PTPN11: variants seen among roughly 807,000 people sequenced by gnomAD.
The protein encoded by PTPN11 is tyrosine-protein phosphatase non-receptor type 11.
A neutral mutation model predicts 78.8 loss-of-function variants in PTPN11; 6 were observed. The observed-to-expected ratio is 0.08, with a 90% CI of 0.04 to 0.15. PTPN11 has a LOEUF of 0.15. PTPN11 is among the 10% of genes least tolerant of loss of function. The pLI, the probability that PTPN11 is intolerant of heterozygous loss-of-function variation, is 1.00. For synonymous variants in PTPN11, 221 were observed against 263.5 expected, an observed-to-expected ratio of 0.84 and a Z score of 1.56; for missense variants, 386 against 744.8, an observed-to-expected ratio of 0.52 and a Z score of 5.61.
chr12:112,503,198 G>C (rs1002632605), intron 14 of PTPN11, among the ~76,000 whole-genome samples: 2 of 152,200 alleles, frequency 1.3e-5, no homozygotes, highest in Non-Finnish European at 2.9e-5. Context: ...ATGGCATATA[G>C]AGCCTAAAAT....
chr12:112,458,662 A>G (rs1483993787), intron 6 of PTPN11, among the ~76,000 whole-genome samples: 1 of 152,212 alleles, frequency 6.6e-6, no homozygotes, highest in Admixed American at 6.5e-5. Context: ...ACTAGTGAAC[A>G]AGACAGACAG....
At chr12:112,423,350 A>G (rs1033039260) in intron 1 of PTPN11, among the ~76,000 whole-genome samples, 3 of 151,992 alleles carry the variant, frequency 2.0e-5, no homozygotes, top group Non-Finnish European at 4.4e-5. Flanking sequence ...CAGTGATACA[A>G]TATTGGCTCA....
intron 6 of PTPN11, among the ~76,000 whole-genome samples, chr12:112,457,884 C>T (rs962165839): frequency 6.6e-6 from 1 of 152,168 alleles, no homozygotes; most frequent in African/African-American, 2.4e-5. Flanking sequence ...TTGCAGTTGT[C>T]CCCAGCATGT....
At position 112,486,537 on chromosome 12, in the gene PTPN11, C is replaced by T. The variant is rs1328418461; in HGVS notation, c.1287C>T (p.Pro429=). 1 of 1,614,114 alleles carries T rather than the reference C, an allele frequency of 6.2e-7. No homozygotes were observed. Among genetic ancestry groups the T allele is most frequent in the African/African-American group, 1.3e-5 (1 of 74,948 alleles). Reference sequence around the variant, plus strand: ...GGACCTGGCCGGACCACGGCGTGCCCAGCGACCCTGGGGGCGTGCTGGACT... The same window carrying T: ...GGACCTGGCCGGACCACGGCGTGCCTAGCGACCCTGGGGGCGTGCTGGACT... The part of the protein sequence containing the change: ...HFRTWPDHGV[P]SDPGGVLDFL... The change falls in exon 11 of 16, where the codon CCC becomes CCT. Residue 429 remains proline (P), a synonymous_variant. Transcript: ENST00000351677.
chr12:112,485,484 C>G (rs552218847), intron 10 of PTPN11, among the ~76,000 whole-genome samples: 1 of 152,028 alleles, frequency 6.6e-6, no homozygotes, highest in Admixed American at 6.6e-5. Context: ...AGTATTTCAG[C>G]GAGCTCACTG....
chr12:112,450,148 GT>G (rs2038058493), intron 2 of PTPN11, among the ~76,000 whole-genome samples, 169 bp from the exon 3 acceptor site: 1 of 152,026 alleles, frequency 6.6e-6, no homozygotes, highest in Non-Finnish European at 1.5e-5. Flanking sequence ...TGTTGAGTTG[GT>G]TGACATGTGG....
intron 1 of PTPN11, among the ~76,000 whole-genome samples, chr12:112,426,960 A>G (rs537817795): frequency 3.3e-4 from 50 of 152,170 alleles, no homozygotes; most frequent in Non-Finnish European, 6.5e-4. Flanking sequence ...AAATATAGAT[A>G]ATGGCCGGGC....
chr12:112,420,233 C>G (rs1463231449), intron 1 of PTPN11, among the ~76,000 whole-genome samples: 3 of 152,202 alleles, frequency 2.0e-5, no homozygotes, highest in Non-Finnish European at 4.4e-5. Context: ...ACCACTCACA[C>G]TTAAGACCCA....
Position 112,501,297 on chromosome 12 carries a change from C to G in PTPN11, c.1600-847C>G, listed in dbSNP as rs367879306. ...TGCTGGTTTTCTTTGCCTTTTCCCCCCCAGGGTATCATCAGAACCAAAAAT... is the reference window on the plus strand; with the variant it reads ...TGCTGGTTTTCTTTGCCTTTTCCCCGCCAGGGTATCATCAGAACCAAAAAT... On this transcript the variant is annotated intron_variant, in intron 13 of 15. Coordinates refer to ENST00000351677, the MANE Select transcript of PTPN11 (RefSeq NM_002834.5). Among the ~76,000 whole-genome samples, 4 of 152,124 alleles carry G rather than the reference C, an allele frequency of 2.6e-5. No individual in the cohort carries two copies. In the East Asian group the frequency reaches 5.8e-4, roughly 22 times the overall value.
At chr12:112,432,920 G>T (rs1220889666) in intron 1 of PTPN11, among the ~76,000 whole-genome samples, 2 of 151,916 alleles carry the variant, frequency 1.3e-5, no homozygotes, top group East Asian at 3.9e-4. Context: ...ATGTGTAGTG[G>T]CGTGATCTGG....
rs2038126348 is a variant in PTPN11, at chr12:112,454,626, T to C, written c.588T>C (p.His196=). 6 of 1,613,886 alleles carry C rather than the reference T, an allele frequency of 3.7e-6. No homozygotes were observed. The highest frequency in any genetic ancestry group is 5.1e-6 in the Non-Finnish European group (6 of 1,179,842). Residue 196 remains histidine (H), a synonymous_variant, in exon 5 of 16, where the codon CAT becomes CAC. Transcript: ENST00000351677. ...ATTCTTTGACAGATCTTGTGGAACA[T>C]TATAAGAAGAATCCTATGGTGGAAA... ...RFDSLTDLVE[H]YKKNPMVETL... is the part of the protein sequence containing the mutation.
intron 4 of PTPN11, among the ~76,000 whole-genome samples, chr12:112,454,348 G>C (rs1355406155): frequency 6.6e-6 from 1 of 152,104 alleles, no homozygotes; most frequent in Admixed American, 6.6e-5. Flanking sequence ...TCGAACTCCT[G>C]ACCTCAAATG....
intron 1 of PTPN11, among the ~76,000 whole-genome samples, chr12:112,427,949 C>T (rs2037647655): frequency 1.3e-5 from 2 of 152,066 alleles, no homozygotes; most frequent in South Asian, 2.1e-4. Context: ...CGGGGTCTTG[C>T]TATGCTGTCC....
At chr12:112,451,932 G>A (rs1460768369) in intron 3 of PTPN11, among the ~76,000 whole-genome samples, 1 of 151,616 alleles carries the variant, frequency 6.6e-6, no homozygotes, top group Non-Finnish European at 1.5e-5. Context: ...CTGGAGTCAA[G>A]TGACGCGATC....
Position 112,442,852 on chromosome 12 carries a change from AT to A in PTPN11, c.15-3423del, listed in dbSNP as rs1178543682. On this transcript the variant is annotated intron_variant, in intron 1 of 15. Transcript: ENST00000351677. ...TTTTTATATATATATATATATATAT[AT>A]ATATATATATATATATATATATATA... 7.6e-5 allele frequency among the ~76,000 whole-genome samples: 7 copies of A among 92,292 alleles called. 1 individual carries two copies. Among genetic ancestry groups the A allele is most frequent in the African/African-American group, 2.7e-4 (6 of 22,546 alleles). The allele number at this position is 92,292 out of a possible 152,430, so 60.5% of individuals were successfully genotyped here. A position where few individuals can be genotyped will look rare whatever the true frequency, so the allele number is the denominator to read the frequency against.
chr12:112,480,998 T>A (rs1250141698), intron 9 of PTPN11, among the ~76,000 whole-genome samples: 2 of 152,222 alleles, frequency 1.3e-5, no homozygotes, highest in African/African-American at 4.8e-5. Context: ...TGGTGCCATA[T>A]TTTTCAATCC....
At chr12:112,448,973 G>C (rs2038035536) in intron 2 of PTPN11, among the ~76,000 whole-genome samples, 1 of 149,896 alleles carries the variant, frequency 6.7e-6, no homozygotes, top group Non-Finnish European at 1.5e-5. Flanking sequence ...TGCAACTTCC[G>C]CCTCCCGGGT....
At chr12:112,419,147 G>A (rs2135817580) in intron 1 of PTPN11, 22 bp downstream of exon 1, 1 of 1,504,276 alleles carries the variant, frequency 6.6e-7, no homozygotes, top group Non-Finnish European at 8.9e-7. Context: ...CGAGGGGCCC[G>A]GCGCGGGCCT....
At chr12:112,459,201 A>G (rs1406442494) in intron 6 of PTPN11, among the ~76,000 whole-genome samples, 1 of 152,208 alleles carries the variant, frequency 6.6e-6, no homozygotes, top group African/African-American at 2.4e-5. Context: ...CTCATGAGGT[A>G]AGATGGGAAG....
Sources: gnomAD v4.1 joint callset for allele counts (sites outside exome capture counted in the v4.1 genomes callset) on GRCh38, gnomAD v4.1.1 for gene constraint, MANE v1.5 for transcripts, NCBI Gene and HGNC (gene_info 2026-07-23, HGNC 2026-07-21) for gene names.